CASKIN1: variants seen among roughly 807,000 people sequenced by gnomAD.
The protein encoded by CASKIN1 is caskin-1.
Under a neutral mutation model 117.5 loss-of-function variants are expected in CASKIN1, and 42 were observed. The observed-to-expected ratio is 0.36, with a 90% confidence interval of 0.28 to 0.46. The LOEUF is 0.46. Among genes scored for constraint, CASKIN1 ranks in the 20% least tolerant of loss-of-function variants. CASKIN1 has a pLI of 1.00. For missense variants in CASKIN1, 2,083 were observed against 2,077.3 expected (o/e 1.00, Z -0.05); for synonymous variants, 1,148 against 961.7 (o/e 1.19, Z -3.59).
Position 2,181,172 on chromosome 16 carries a change from G to T in CASKIN1, c.2196C>A (p.Gly732=). Reference sequence around the variant, plus strand: ...CCCTGGGCGGGGTGCCGGGGGCGGGGCCCTCATCCAGGAGGTACTCCTGGC... The same window carrying T: ...CCCTGGGCGGGGTGCCGGGGGCGGGTCCCTCATCCAGGAGGTACTCCTGGC... ...SRSQEYLLDE[G]PAPGTPPREA... is the part of the protein sequence containing the mutation. The change falls in exon 18 of 20, where the codon GGC becomes GGA. Residue 732 remains glycine, a synonymous_variant. Transcript: ENST00000343516. 6.6e-7 allele frequency: 1 copy of T among 1,521,002 alleles called. No homozygotes were observed. Among genetic ancestry groups the T allele is most frequent in the Non-Finnish European group, 8.7e-7 (1 of 1,145,894 alleles). The allele number at this position is 1,521,002 out of a possible 1,614,324, so 94.2% of individuals were successfully genotyped here.
intron 1 of CASKIN1, among the ~76,000 whole-genome samples, chr16:2,192,304 A>G (rs1283849958): frequency 6.8e-6 from 1 of 146,954 alleles, no homozygotes; most frequent in Non-Finnish European, 1.5e-5. Flanking sequence ...CCCTGTCTCA[A>G]AAAAAAAAAA....
intron 1 of CASKIN1, among the ~76,000 whole-genome samples, chr16:2,191,235 G>C (rs935631541): frequency 2.6e-5 from 4 of 152,202 alleles, no homozygotes; most frequent in Admixed American, 2.6e-4. Flanking sequence ...AGGACAGGGT[G>C]GGGGCAGGAG....
At position 2,178,582 on chromosome 16, in the gene CASKIN1, G is replaced by A. The variant is rs1476410444; in HGVS notation, c.4264C>T (p.Leu1422=). The change falls in exon 20 of 20, where the codon CTG becomes TTG. Residue 1422 remains leucine, a synonymous_variant. Coordinates refer to ENST00000343516, the MANE Select transcript of CASKIN1 (RefSeq NM_020764.4). ...LDDIGSMFDD[L]ADQLDAMLE is the part of the protein sequence containing the mutation. ...AGCATGGCATCCAGCTGGTCGGCCA[G>A]GTCGTCGAACATGCTGCCGATGTCG... 6.3e-7 allele frequency: 1 copy of A among 1,597,638 alleles called. No individual in the cohort carries two copies. Among genetic ancestry groups the A allele is most frequent in the Non-Finnish European group, 8.5e-7 (1 of 1,176,352 alleles).
At position 2,183,534 on chromosome 16, in the gene CASKIN1, C is replaced by T. The variant is rs1262688013; in HGVS notation, c.1629+112G>A. ...CTAGCAGGGCATCCTCCACTCTCCT[C>T]TCCCTCAAGCCCCTGAGGGCGGGTG... On this transcript the variant is annotated intron_variant, in intron 16 of 19. Transcript: ENST00000343516. 2.9e-6 allele frequency: 3 copies of T among 1,029,748 alleles called. No homozygotes were observed. The African/African-American group carries it at 4.8e-5, about 16-fold the overall frequency. The allele number at this position is 1,029,748 out of a possible 1,614,324, so 63.8% of individuals were successfully genotyped here.
In CASKIN1 at chr16:2,182,928, C is replaced by T. The variant is rs944080394; in HGVS notation, c.1629+718G>A. 1.3e-5 allele frequency among the ~76,000 whole-genome samples: 2 copies of T among 152,244 alleles called. No individual in the cohort carries two copies. Among genetic ancestry groups the T allele is most frequent in the African/African-American group, 4.8e-5 (2 of 41,464 alleles). ...GCCTCAGACTCCCAAGTAGCTGGGA[C>T]TATAGGCACCCGCCACCACGCCTGG... On this transcript the variant is annotated intron_variant, in intron 16 of 19. Transcript: ENST00000343516. This position sits in a 1 kb window ranked among gnomAD's most constrained non-coding sequence, Gnocchi z 4.1.
intron 3 of CASKIN1, 26 bp downstream of exon 3, chr16:2,190,047 C>A (rs774128408): frequency 1.2e-6 from 2 of 1,602,316 alleles, no homozygotes; most frequent in Non-Finnish European, 1.7e-6. Flanking sequence ...CCCCTGCCCC[C>A]ACCAGAGGCC....
At position 2,181,310 on chromosome 16, in the gene CASKIN1, C is replaced by T. The variant is rs375963570; in HGVS notation, c.2058G>A (p.Pro686=). 3.5e-4 allele frequency: 557 copies of T among 1,603,810 alleles called. 2 individuals are homozygous for T. Among genetic ancestry groups the T allele is most frequent in the Non-Finnish European group, 4.2e-4 (500 of 1,178,594 alleles). Residue 686 remains proline, a synonymous_variant, in exon 18 of 20, where the codon CCG becomes CCA. Coordinates refer to ENST00000343516, the MANE Select transcript of CASKIN1 (RefSeq NM_020764.4). The part of the protein sequence containing the change: ...EKPSSHLPPT[P]RATTRQDSSL... ...TGGAGTCCTGCCGCGTGGTGGCCCT[C>T]GGGGTGGGTGGCAGGTGGCTGGAGG...
chr16:2,180,137 G>C lies in CASKIN1; in HGVS notation c.3231C>G (p.Ala1077=). Reference sequence around the variant, plus strand: ...CTGCCGACTCCCCAGGCCCCCGGCGGGCAGTGGCCAGAAGTCCGGTGACTG... The same window carrying C: ...CTGCCGACTCCCCAGGCCCCCGGCGCGCAGTGGCCAGAAGTCCGGTGACTG... The part of the protein sequence containing the change: ...SGPVTGLLAT[A]RRGPGESADP... Residue 1077 remains alanine (A), a synonymous_variant, in exon 18 of 20, where the codon GCC becomes GCG. Transcript: ENST00000343516. The C allele has an allele frequency of 6.4e-7, 1 of 1,555,346 alleles. No homozygotes were observed. The highest frequency in any genetic ancestry group is 2.4e-5 in the East Asian group (1 of 41,204).
chr16:2,178,821 G>T lies in CASKIN1; in HGVS notation c.4199+81C>A, dbSNP rs866466356. On this transcript the variant is annotated intron_variant, in intron 19 of 19. Transcript: ENST00000343516. ...CTGCCGAGCCCCGCCCATCTCTGCC[G>T]AGCCCCGCCCATCTCTGCCGAGCCC... is the stretch of plus-strand genomic sequence containing the variant. The T allele has an allele frequency of 3.0e-5, 40 of 1,315,606 alleles. No homozygotes were observed. The South Asian group carries it at 6.3e-4, about 21-fold the overall frequency. 81.5% of individuals were successfully genotyped at this position (1,315,606 alleles called of 1,614,324 possible). A position where few individuals can be genotyped will look rare whatever the true frequency, so the allele number is the denominator to read the frequency against.
At chr16:2,188,912 G>A in intron 6 of CASKIN1, 115 bp downstream of exon 6, 1 of 1,437,170 alleles carries the variant, frequency 7.0e-7, no homozygotes, top group South Asian at 1.4e-5. Flanking sequence ...CCAGGGACCT[G>A]GGACCCTGCC....
intron 1 of CASKIN1, among the ~76,000 whole-genome samples, chr16:2,192,265 T>C (rs1324916515): frequency 1.3e-5 from 2 of 150,844 alleles, no homozygotes; most frequent in African/African-American, 4.9e-5. Context: ...CACCACTCAC[T>C]GCATTCCAAC....
intron 6 of CASKIN1, 60 bp downstream of exon 6, chr16:2,188,967 C>G (rs922279925): frequency 4.5e-6 from 7 of 1,557,640 alleles, no homozygotes; most frequent in Non-Finnish European, 5.2e-6. Context: ...CCCTGAGCCC[C>G]AGGCTGCTGC....
In CASKIN1 at chr16:2,179,111, G is replaced by C; in HGVS notation, c.3990C>G (p.Ser1330=). 1 of 1,000,056 alleles carries C rather than the reference G, an allele frequency of 1.0e-6. No homozygotes were observed. Among genetic ancestry groups the C allele is most frequent in the South Asian group, 4.5e-5 (1 of 22,230 alleles). 61.9% of individuals were successfully genotyped at this position (1,000,056 alleles called of 1,614,324 possible). Reference sequence around the variant, plus strand: ...GCACGTGCAGCGCGGGCGCGCCGGGGGACGGGGGCTTGGCGGGGCTGGCGC... The same window carrying C: ...GCACGTGCAGCGCGGGCGCGCCGGGCGACGGGGGCTTGGCGGGGCTGGCGC... The part of the protein sequence containing the change: ...SLGASPAKPP[S]PGAPALHVPA... The change falls in exon 19 of 20, where the codon TCC becomes TCG. Residue 1330 remains serine (S), a synonymous_variant. Transcript: ENST00000343516. The surrounding 1 kb of genome is among the most constrained non-coding windows in gnomAD (Gnocchi z 5.8).
intron 10 of CASKIN1, 103 bp downstream of exon 10, chr16:2,186,604 G>T: frequency 9.7e-7 from 1 of 1,026,928 alleles, no homozygotes; most frequent in Non-Finnish European, 1.5e-6. Flanking sequence ...CTGGCACCCA[G>T]AAACCCAGCC....
Position 2,178,113 on chromosome 16 carries a change from A to G in CASKIN1, c.*437T>C, listed in dbSNP as rs1198361771. 3.0e-5 allele frequency: 15 copies of G among 505,772 alleles called. No individual in the cohort carries two copies. The highest frequency in any genetic ancestry group is 3.2e-4 in the Middle Eastern group (1 of 3,114). The allele number at this position is 505,772 out of a possible 1,614,324, so 31.3% of individuals were successfully genotyped here. A position where few individuals can be genotyped will look rare whatever the true frequency, so the allele number is the denominator to read the frequency against. On this transcript the variant is annotated 3_prime_UTR_variant, in exon 20 of 20. Coordinates refer to ENST00000343516, the MANE Select transcript of CASKIN1 (RefSeq NM_020764.4). ...GCCTCAGCTCATTCCCAATAAATTAATACTCTTGATAGCTTATATTCTGGG... is the reference window on the plus strand; with the variant it reads ...GCCTCAGCTCATTCCCAATAAATTAGTACTCTTGATAGCTTATATTCTGGG...
chr16:2,178,423 G>T lies in CASKIN1; in HGVS notation c.*127C>A, dbSNP rs542303579. ...TGGGCGCCCCGGCCCGGGTCCAGGGGCCGGAGTTGTGCTTCTGCAGGGCCC... is the reference window on the plus strand; with the variant it reads ...TGGGCGCCCCGGCCCGGGTCCAGGGTCCGGAGTTGTGCTTCTGCAGGGCCC... On this transcript the variant is annotated 3_prime_UTR_variant, in exon 20 of 20. Transcript: ENST00000343516. 1.5e-6 allele frequency: 1 copy of T among 650,748 alleles called. No homozygotes were observed. The highest frequency in any genetic ancestry group is 4.3e-5 in the Admixed American group (1 of 23,330). The allele number at this position is 650,748 out of a possible 1,614,324, so 40.3% of individuals were successfully genotyped here.
intron 13 of CASKIN1, 21 bp from the exon 14 acceptor site, chr16:2,184,889 G>A: frequency 6.3e-7 from 1 of 1,576,234 alleles, no homozygotes; most frequent in Non-Finnish European, 8.6e-7. Context: ...GAGTGGGTGG[G>A]GGACAAGGGC....
At chr16:2,186,922 C>A in intron 9 of CASKIN1, 56 bp downstream of exon 9, 1 of 1,600,930 alleles carries the variant, frequency 6.2e-7, no homozygotes, top group South Asian at 1.1e-5. Flanking sequence ...TTCTGGGGTG[C>A]GCACGCCCAG....
chr16:2,190,469 C>T (rs2093198622), intron 1 of CASKIN1, 111 bp from the exon 2 acceptor site: 7 of 962,432 alleles, frequency 7.3e-6, no homozygotes, highest in Non-Finnish European at 3.2e-6. Context: ...AGCTGCTGGG[C>T]TCTCAGTCTG....
Sources: allele counts gnomAD v4.1 joint callset (sites outside exome capture counted in the v4.1 genomes callset), GRCh38; gene constraint gnomAD v4.1.1; non-coding constraint Gnocchi (gnomAD v3.1); transcripts MANE v1.5; gene names NCBI Gene and HGNC (gene_info 2026-07-23, HGNC 2026-07-21).